The following FBLN2 variants were observed in gnomAD, a reference collection of about 807,000 sequenced individuals.
FBLN2 encodes fibulin-2.
FBLN2 carries 81 observed loss-of-function variants against 123.7 expected under a neutral mutation model. That is an observed-to-expected ratio of 0.65 (90% confidence interval 0.55 to 0.79). The LOEUF (loss-of-function observed/expected upper bound fraction) is 0.79, where lower values mean the gene tolerates loss of function less well. FBLN2 is among the 30% of genes least tolerant of loss of function. The pLI is 0.00. For synonymous variants in FBLN2, 699 were observed against 701.4 expected (o/e 1.00, Z 0.05); for missense variants, 1,603 against 1,681.3 (o/e 0.95, Z 0.81).
Position 13,559,694 on chromosome 3 carries a change from T to G in FBLN2, c.-42+10486T>G, listed in dbSNP as rs1006378387. ...CACCCAGTGTCGCTGCAGAGCTTGG[T>G]TCATTATGTGCTTTTTTTGGTGGAG... On this transcript the variant is annotated intron_variant, in intron 1 of 17. Coordinates refer to ENST00000404922, the MANE Select transcript of FBLN2 (RefSeq NM_001004019.2). Among the ~76,000 whole-genome samples the G allele has an allele frequency of 3.9e-5, 6 of 152,306 alleles. No individual in the cohort carries two copies. The South Asian group carries it at 1.2e-3, about 32-fold the overall frequency.
In FBLN2 at chr3:13,571,654, C is replaced by T. The variant is rs111711686; in HGVS notation, c.1299C>T (p.Ser433=). The T allele has an allele frequency of 3.1e-6, 5 of 1,592,684 alleles. No individual in the cohort carries two copies. The highest frequency in any genetic ancestry group is 4.3e-6 in the Non-Finnish European group (5 of 1,169,200). The change falls in exon 2 of 18, where the codon AGC becomes AGT. Residue 433 remains serine (S), a synonymous_variant. Coordinates refer to ENST00000404922, the MANE Select transcript of FBLN2 (RefSeq NM_001004019.2). ...CTGTCCATTCTATCCCCAGAAGTAG[C>T]CCTGAAGGTAAGACCCTGTCCTGGT... ...PNSVHSIPRS[S]PEGSTKDLIE... is the part of the protein sequence containing the mutation.
At position 13,585,232 on chromosome 3, in the gene FBLN2, G is replaced by T. The variant is rs540006784; in HGVS notation, c.1306+13571G>T. ...ACCAGCCGTGGCCATCAGGATAGAA[G>T]TGTTTCCTGCTTGGCGTGAGGCTGG... is the stretch of plus-strand genomic sequence containing the variant. On this transcript the variant is annotated intron_variant, in intron 2 of 17. Transcript: ENST00000404922. 1.5e-3 allele frequency among the ~76,000 whole-genome samples: 236 copies of T among 152,358 alleles called. 1 individual carries two copies. Among genetic ancestry groups the T allele is most frequent in the African/African-American group, 5.4e-3 (225 of 41,590 alleles).
At chr3:13,629,741 G>A (rs548886419) in intron 13 of FBLN2, 79 bp from the exon 14 acceptor site, 4 of 1,497,546 alleles carry the variant, frequency 2.7e-6, no homozygotes, top group Non-Finnish European at 1.8e-6. Flanking sequence ...CCTCCCCTTC[G>A]GCCCTGGATG....
rs539828628 is a variant in FBLN2, at chr3:13,598,885, C to T, written c.1307-9177C>T. Among the ~76,000 whole-genome samples the T allele has an allele frequency of 5.3e-5, 8 of 152,272 alleles. No homozygotes were observed. In the East Asian group the frequency reaches 7.7e-4, roughly 15 times the overall value. On this transcript the variant is annotated intron_variant, in intron 2 of 17. Coordinates refer to ENST00000404922, the MANE Select transcript of FBLN2 (RefSeq NM_001004019.2). ...TGGGTGCTAGACAGAGCCTGCTGGA[C>T]GCACAGACAGGCAGGGAGTCACATT...
chr3:13,597,669 A>G (rs1304644186), intron 2 of FBLN2, among the ~76,000 whole-genome samples: 4 of 152,136 alleles, frequency 2.6e-5, no homozygotes, highest in African/African-American at 9.7e-5. Flanking sequence ...CCACCTGGAG[A>G]CCACCAGAAT....
At chr3:13,592,903 T>C (rs1704720921) in intron 2 of FBLN2, among the ~76,000 whole-genome samples, 1 of 152,174 alleles carries the variant, frequency 6.6e-6, no homozygotes, top group Non-Finnish European at 1.5e-5. Context: ...CAGGTGTTTG[T>C]GGTCAGCTGG....
At chr3:13,567,123 G>A (rs563495955) in intron 1 of FBLN2, among the ~76,000 whole-genome samples, 7 of 152,198 alleles carry the variant, frequency 4.6e-5, no homozygotes, top group African/African-American at 1.7e-4. Flanking sequence ...GGGCCTGGGG[G>A]GCCAAGGGGC....
chr3:13,612,675 C>T (rs1406675073), intron 4 of FBLN2, among the ~76,000 whole-genome samples: 1 of 152,124 alleles, frequency 6.6e-6, no homozygotes, highest in African/African-American at 2.4e-5. Context: ...GCCACCATGC[C>T]CGGCCAGTTC....
Position 13,570,432 on chromosome 3 carries a change from C to A in FBLN2, c.77C>A (p.Ala26Glu). The change falls in exon 2 of 18, where the codon GCA becomes GAA. Residue 26 changes from alanine (A) to glutamate (E), a missense_variant. By Grantham distance (107) the Ala-to-Glu change is moderately radical (BLOSUM62 -1). Coordinates refer to ENST00000404922, the MANE Select transcript of FBLN2 (RefSeq NM_001004019.2). ...LALALGPSVA[A>E]AAPRQDCTGV... Reference sequence around the variant, plus strand: ...CTGGCCCTGGGCCCCAGCGTGGCCGCAGCTGCCCCTCGGCAGGACTGCACG... The same window carrying A: ...CTGGCCCTGGGCCCCAGCGTGGCCGAAGCTGCCCCTCGGCAGGACTGCACG... 2 of 1,573,600 alleles carry A rather than the reference C, an allele frequency of 1.3e-6. No individual in the cohort carries two copies. Among genetic ancestry groups the A allele is most frequent in the Non-Finnish European group, 1.7e-6 (2 of 1,160,936 alleles).
rs1559421776 is a variant in FBLN2 at position 13,618,181 on chromosome 3, CG to C, written c.1838del (p.Gly613GlufsTer49). 6.2e-7 allele frequency: 1 copy of C among 1,613,800 alleles called. No individual in the cohort carries two copies. The highest frequency in any genetic ancestry group is 1.7e-5 in the Admixed American group (1 of 60,038). ...GDDQDECLLL[P>X]GELCQHLCIN... ...GACCAGGATGAGTGCCTTCTCCTCC[CG>C]GGAGAGCTGTGCCAGCACCTTTGCA... On this transcript the variant is annotated frameshift_variant, in exon 6 of 18. Transcript: ENST00000404922. LOFTEE classifies it high-confidence loss of function.
chr3:13,571,528 A>G lies in FBLN2; in HGVS notation c.1173A>G (p.Thr391=), dbSNP rs764380892. Residue 391 remains threonine, a synonymous_variant, in exon 2 of 18, where the codon ACA becomes ACG. Transcript: ENST00000404922. The part of the protein sequence containing the change: ...VKPSPHNILS[T]SLPDAAWIPP... ...CCAGCCCCCACAACATCCTGTCCAC[A>G]TCACTGCCTGATGCAGCCTGGATCC... 1.9e-6 allele frequency: 3 copies of G among 1,613,692 alleles called. No individual in the cohort carries two copies. Among genetic ancestry groups the G allele is most frequent in the Non-Finnish European group, 2.5e-6 (3 of 1,179,844 alleles).
At chr3:13,584,993 A>C (rs1704452168) in intron 2 of FBLN2, among the ~76,000 whole-genome samples, 1 of 152,200 alleles carries the variant, frequency 6.6e-6, no homozygotes, top group Admixed American at 6.5e-5. Flanking sequence ...CTTCCCCACC[A>C]AGCTGGCCCA....
At chr3:13,604,331 T>A (rs1705135714) in intron 2 of FBLN2, among the ~76,000 whole-genome samples, 1 of 152,194 alleles carries the variant, frequency 6.6e-6, no homozygotes, top group Non-Finnish European at 1.5e-5. Flanking sequence ...TGAATGGTAT[T>A]GCCTAGGTTT....
At chr3:13,570,179 G>A in intron 1 of FBLN2, 136 bp from the exon 2 acceptor site, 1 of 901,050 alleles carries the variant, frequency 1.1e-6, no homozygotes, top group Non-Finnish European at 1.6e-6. Context: ...GTGAGGCAGT[G>A]CTTAGTGTGC....
chr3:13,590,476 C>T (rs758576134), intron 2 of FBLN2, among the ~76,000 whole-genome samples: 18 of 152,196 alleles, frequency 1.2e-4, no homozygotes, highest in African/African-American at 2.2e-4. Flanking sequence ...CAGGTGCCCA[C>T]CACGATGCCT....
At position 13,637,983 on chromosome 3, in the gene FBLN2, T is replaced by TG. The variant is rs1706539806; in HGVS notation, c.*67dup. The TG allele has an allele frequency of 2.2e-6, 3 of 1,387,986 alleles. No individual in the cohort carries two copies. Among genetic ancestry groups the TG allele is most frequent in the Non-Finnish European group, 3.0e-6 (3 of 1,014,040 alleles). 86.0% of individuals were successfully genotyped at this position (1,387,986 alleles called of 1,614,324 possible). A position where few individuals can be genotyped will look rare whatever the true frequency, so the allele number is the denominator to read the frequency against. Reference sequence around the variant, plus strand: ...AGGGCTCACACTGCGTGGGAGGGACTGGGTCACTATTGTGGTTTTTACTAT... The same window carrying TG: ...AGGGCTCACACTGCGTGGGAGGGACTGGGGTCACTATTGTGGTTTTTACTAT... On this transcript the variant is annotated 3_prime_UTR_variant, in exon 18 of 18. Coordinates refer to ENST00000404922, the MANE Select transcript of FBLN2 (RefSeq NM_001004019.2).
Position 13,619,825 on chromosome 3 carries a change from T to C in FBLN2, c.2149T>C (p.Cys717Arg). The C allele has an allele frequency of 6.2e-7, 1 of 1,610,650 alleles. No homozygotes were observed. ...TGCCATCATGGCGGATGGCGTGTCC[T>C]GTGAAGGTGAGTGCCTTGGGGTGCC... Reference protein sequence around the residue: ...GYAIMADGVSCEDQDECLMGA... With the variant: ...GYAIMADGVSREDQDECLMGA... Residue 717 changes from cysteine to arginine, a missense_variant, in exon 8 of 18, where the codon TGT becomes CGT. Cys to Arg is a radical substitution (Grantham distance 180, BLOSUM62 -3). Coordinates refer to ENST00000404922, the MANE Select transcript of FBLN2 (RefSeq NM_001004019.2).
chr3:13,628,940 C>T lies in FBLN2; in HGVS notation c.2605C>T (p.Arg869Trp), dbSNP rs1279657678. 9.9e-6 allele frequency: 16 copies of T among 1,613,484 alleles called. No individual in the cohort carries two copies. Among genetic ancestry groups the T allele is most frequent in the African/African-American group, 2.7e-5 (2 of 74,920 alleles). Residue 869 changes from arginine to tryptophan, a missense_variant, in exon 12 of 18, where the codon CGG becomes TGG. By Grantham distance (101) the Arg-to-Trp change is moderately radical. Coordinates refer to ENST00000404922, the MANE Select transcript of FBLN2 (RefSeq NM_001004019.2). ...GTGCACGTCACTGTCCGAGCCATGT[C>T]GGCCAGGCTTCAGCTGCATCAACAC... ...NECTSLSEPC[R>W]PGFSCINTVG...
intron 16 of FBLN2, 129 bp downstream of exon 16, chr3:13,631,586 C>A: frequency 8.9e-7 from 1 of 1,123,804 alleles, no homozygotes; most frequent in Non-Finnish European, 1.2e-6. Flanking sequence ...TGCAGGATGG[C>A]CAATGCTACC....
Sources: allele counts gnomAD v4.1 joint callset (sites outside exome capture counted in the v4.1 genomes callset), GRCh38; gene constraint gnomAD v4.1.1; transcripts MANE v1.5; gene names NCBI Gene and HGNC (gene_info 2026-07-23, HGNC 2026-07-21).